Variants in PALLD observed in about 807,000 individuals in gnomAD.
The protein encoded by PALLD is palladin, cytoskeletal associated protein.
In PALLD, 61 loss-of-function variants were observed where a neutral mutation model predicts 123.5. The observed-to-expected ratio is 0.49, with a 90% CI of 0.40 to 0.61. The LOEUF is 0.61. Ranked by LOEUF, PALLD falls within the 20% of genes least tolerant of loss-of-function variation. PALLD has a pLI of 0.00. For synonymous variants in PALLD, 465 were observed against 496.4 expected (o/e 0.94, Z 0.84); for missense variants, 1,273 against 1,377.0 (o/e 0.92, Z 1.20).
At chr4:168,801,950 A>G (rs902421447) in intron 10 of PALLD, among the ~76,000 whole-genome samples, 3 of 152,244 alleles carry the variant, frequency 2.0e-5, no homozygotes, top group Non-Finnish European at 4.4e-5. Flanking sequence ...GATTTGTAAG[A>G]GTTCTAATTG....
chr4:168,615,494 T>C (rs1196269547), intron 2 of PALLD, among the ~76,000 whole-genome samples: 1 of 152,178 alleles, frequency 6.6e-6, no homozygotes, highest in African/African-American at 2.4e-5. Context: ...CAAAAGGAAT[T>C]CTTAAGTACT....
chr4:168,785,705 T>C (rs959286507), intron 10 of PALLD, among the ~76,000 whole-genome samples: 1 of 151,404 alleles, frequency 6.6e-6, no homozygotes, highest in African/African-American at 2.4e-5. Context: ...CCGTTACTGG[T>C]TGAGAGGAGA....
intron 2 of PALLD, among the ~76,000 whole-genome samples, chr4:168,656,905 G>A (rs1284103048): frequency 6.6e-6 from 1 of 152,218 alleles, no homozygotes; most frequent in Non-Finnish European, 1.5e-5. Flanking sequence ...CAACTCAGGG[G>A]CCAACACTAA....
At chr4:168,856,020 G>C (rs993060651) in intron 10 of PALLD, among the ~76,000 whole-genome samples, 79 of 152,266 alleles carry the variant, frequency 5.2e-4, no homozygotes, top group African/African-American at 1.9e-3. Context: ...CCCCACTTTT[G>C]GAGTACCCAG....
At chr4:168,723,741 A>G (rs915685410) in intron 10 of PALLD, among the ~76,000 whole-genome samples, 1 of 152,190 alleles carries the variant, frequency 6.6e-6, no homozygotes, top group Admixed American at 6.5e-5. Flanking sequence ...TTTCATGAAG[A>G]GTGACTAAGA....
intron 10 of PALLD, among the ~76,000 whole-genome samples, chr4:168,739,189 G>T (rs1406868714): frequency 6.6e-6 from 1 of 152,122 alleles, no homozygotes; most frequent in East Asian, 1.9e-4. Context: ...GAGCATTTAG[G>T]TTAATTCCAT....
Position 168,512,091 on chromosome 4 carries a change from A to C in PALLD, c.587A>C (p.Glu196Ala). The change falls in exon 2 of 22, where the codon GAG becomes GCG. Residue 196 changes from glutamate (E) to alanine (A), a missense_variant. This residue lies in a region of PALLD where 944 missense variants were observed against 954.5 expected (regional missense o/e 0.99). Transcript: ENST00000505667. ...AKPRNRSPNG[E>A]SSSPDSGYLS... The stretch of plus-strand genomic sequence containing the variant: ...CCAAGAAACAGAAGCCCAAATGGGG[A>C]GTCCTCGTCACCAGACAGTGGGTAC... The C allele has an allele frequency of 6.2e-7, 1 of 1,614,222 alleles. No individual in the cohort carries two copies. Among genetic ancestry groups the C allele is most frequent in the Non-Finnish European group, 8.5e-7 (1 of 1,180,034 alleles).
chr4:168,926,636 A>G lies in PALLD; in HGVS notation c.*456A>G, dbSNP rs1266806061. 3.1e-5 allele frequency: 12 copies of G among 393,062 alleles called. No homozygotes were observed. The highest frequency in any genetic ancestry group is 2.4e-4 in the African/African-American group (12 of 49,570). The allele number at this position is 393,062 out of a possible 1,614,324, so 24.3% of individuals were successfully genotyped here. On this transcript the variant is annotated 3_prime_UTR_variant, in exon 22 of 22. Coordinates refer to ENST00000505667, the MANE Select transcript of PALLD (RefSeq NM_001166108.2). ...TTAAAACTTTGGAATTGCTGTGATT[A>G]AAGTGATCAAAATGCCAAAATACTA...
chr4:168,513,796 C>G (rs904692663), intron 2 of PALLD, among the ~76,000 whole-genome samples: 1 of 152,080 alleles, frequency 6.6e-6, no homozygotes, highest in South Asian at 2.1e-4. Context: ...ACCTAAATTA[C>G]ATAAATATTT....
At chr4:168,503,966 C>T (rs1424664328) in intron 1 of PALLD, among the ~76,000 whole-genome samples, 2 of 152,160 alleles carry the variant, frequency 1.3e-5, no homozygotes, top group African/African-American at 2.4e-5. Context: ...ATCTCTCTTA[C>T]CATTTTTATC....
chr4:168,598,540 G>A (rs1403661724), intron 2 of PALLD: 1 of 366,846 alleles, frequency 2.7e-6, no homozygotes, highest in Non-Finnish European at 5.5e-6. Flanking sequence ...ACAGAGAGGG[G>A]GCAGACAGAG....
chr4:168,657,934 A>G (rs947839287), intron 2 of PALLD, among the ~76,000 whole-genome samples: 1 of 152,028 alleles, frequency 6.6e-6, no homozygotes, highest in African/African-American at 2.4e-5. Flanking sequence ...AATCCAGTGC[A>G]CTCCCATTCG....
intron 10 of PALLD, among the ~76,000 whole-genome samples, chr4:168,888,868 A>G (rs1233951839): frequency 6.6e-6 from 1 of 152,174 alleles, no homozygotes; most frequent in Non-Finnish European, 1.5e-5. Flanking sequence ...AGAGGAAAGA[A>G]CAGCTGTTGG....
At chr4:168,720,394 G>C (rs1785881533) in intron 10 of PALLD, among the ~76,000 whole-genome samples, 1 of 152,196 alleles carries the variant, frequency 6.6e-6, no homozygotes, top group South Asian at 2.1e-4. Context: ...ATCCTCGAAG[G>C]CTAGTCAAAT....
At chr4:168,817,124 C>CT (rs551591228) in intron 10 of PALLD, among the ~76,000 whole-genome samples, 38 of 152,250 alleles carry the variant, frequency 2.5e-4, no homozygotes, top group African/African-American at 8.9e-4. Flanking sequence ...TCTGGTCTTT[C>CT]AGCTGGAGTG....
chr4:168,806,289 C>T (rs573014085), intron 10 of PALLD, among the ~76,000 whole-genome samples: 1 of 152,328 alleles, frequency 6.6e-6, no homozygotes, highest in South Asian at 2.1e-4. Flanking sequence ...GTCTCAAACT[C>T]CTGACTTCAG....
intron 2 of PALLD, among the ~76,000 whole-genome samples, chr4:168,651,699 A>G (rs1778058742): frequency 1.3e-5 from 2 of 152,096 alleles, no homozygotes; most frequent in Non-Finnish European, 2.9e-5. Context: ...ACAATGACAT[A>G]ATGATGCTTT....
intron 2 of PALLD, among the ~76,000 whole-genome samples, chr4:168,547,198 G>A (rs961687889): frequency 2.0e-5 from 3 of 152,092 alleles, no homozygotes; most frequent in Non-Finnish European, 4.4e-5. Flanking sequence ...CGCCCCACAC[G>A]CCTACTAACT....
chr4:168,680,106 C>T (rs1781393204), intron 3 of PALLD, among the ~76,000 whole-genome samples: 1 of 151,984 alleles, frequency 6.6e-6, no homozygotes, highest in Non-Finnish European at 1.5e-5. Flanking sequence ...CAAAAGTAGC[C>T]AAATGCCAAG....
Sources: gnomAD v4.1 joint callset for allele counts (sites outside exome capture counted in the v4.1 genomes callset) on GRCh38, gnomAD v4.1.1 for gene constraint, gnomAD v4.1.1 regional missense constraint, MANE v1.5 for transcripts, NCBI Gene and HGNC (gene_info 2026-07-23, HGNC 2026-07-21) for gene names.